The following VARS2 variants were observed in gnomAD, a reference collection of about 807,000 sequenced individuals.
VARS2 encodes the protein valyl-tRNA synthetase 2, mitochondrial, also known as valine--tRNA ligase, mitochondrial.
VARS2 carries 105 observed loss-of-function variants against 154.1 expected under a neutral mutation model. The observed-to-expected ratio is 0.68, with a 90% CI of 0.58 to 0.80. The LOEUF (loss-of-function observed/expected upper bound fraction) is 0.80. VARS2 is among the 30% of genes least tolerant of loss of function. The pLI is 0.00. For synonymous variants in VARS2, 483 were observed against 539.5 expected, an observed-to-expected ratio of 0.90 and a Z score of 1.45; for missense variants, 1,157 against 1,361.4, an observed-to-expected ratio of 0.85 and a Z score of 2.36.
At position 30,926,408 on chromosome 6, in the gene VARS2, C is replaced by G; in HGVS notation, c.*198C>G. 1 of 612,740 alleles carries G rather than the reference C, an allele frequency of 1.6e-6. No individual in the cohort carries two copies. Among genetic ancestry groups the G allele is most frequent in the Non-Finnish European group, 2.9e-6 (1 of 347,956 alleles). The allele number at this position is 612,740 out of a possible 1,614,324, so 38.0% of individuals were successfully genotyped here. ...TCACATTACTGCCCGGCCTGCCTCC[C>G]ACCTGGAAGTCTGGGAATGAGGAGA... On this transcript the variant is annotated 3_prime_UTR_variant, in exon 30 of 30. Transcript: ENST00000676266.
In VARS2 at chr6:30,920,724, A is replaced by T. The variant is rs1437807552; in HGVS notation, c.1454A>T (p.Gln485Leu). The T allele has an allele frequency of 6.2e-7, 1 of 1,600,454 alleles. No individual in the cohort carries two copies. Among genetic ancestry groups the T allele is most frequent in the Non-Finnish European group, 8.5e-7 (1 of 1,174,212 alleles). ...AAGAACCAGTGGTTTGTCCGCTGCC[A>T]GGAAATGGGGGCCCGAGCTGCCAAG... is the stretch of plus-strand genomic sequence containing the variant. ...LLKNQWFVRC[Q>L]EMGARAAKAV... The change falls in exon 15 of 30, where the codon CAG (glutamine) becomes CTG (leucine). Residue 485 changes from glutamine to leucine, a missense_variant. Transcript: ENST00000676266. This position sits in a 1 kb window ranked among gnomAD's most constrained non-coding sequence, Gnocchi z 4.6.
At position 30,925,905 on chromosome 6, in the gene VARS2, T is replaced by A; in HGVS notation, c.2987T>A (p.Leu996Gln). 1 of 1,613,022 alleles carries A rather than the reference T, an allele frequency of 6.2e-7. No homozygotes were observed. The highest frequency in any genetic ancestry group is 8.5e-7 in the Non-Finnish European group (1 of 1,180,030). The change falls in exon 29 of 30, where the codon CTA becomes CAA. Residue 996 changes from leucine (L) to glutamine (Q), a missense_variant. Transcript: ENST00000676266. ...LQGLVDPQIQ[L>Q]PLLAARRYKL... ...GGCCTGGTGGACCCGCAGATCCAGC[T>A]ACCTCTGTTAGCCGCCCGAAGGTAC...
In VARS2 at chr6:30,921,381, C is replaced by A; in HGVS notation, c.1632+76C>A. The A allele has an allele frequency of 6.4e-7, 1 of 1,562,970 alleles. No individual in the cohort carries two copies. Among genetic ancestry groups the A allele is most frequent in the African/African-American group, 1.4e-5 (1 of 73,922 alleles). On this transcript the variant is annotated intron_variant, in intron 17 of 29. Transcript: ENST00000676266. This position sits in a 1 kb window ranked among gnomAD's most constrained non-coding sequence, Gnocchi z 4.6. ...CCCAGGAGTCAGAGCTCCGCAGGGC[C>A]AAGTCCCGCTCCTGCCTGGTCATGT...
rs139421487 is a variant in VARS2 at position 30,916,201 on chromosome 6, A to G, written c.623A>G (p.Glu208Gly). The change falls in exon 7 of 30, where the codon GAG becomes GGG. Residue 208 changes from glutamate (E) to glycine (G), a missense_variant. Physicochemically the swap from Glu to Gly is moderately conservative, Grantham distance 98. Transcript: ENST00000676266. The surrounding 1 kb of genome is among the most constrained non-coding windows in gnomAD (Gnocchi z 4.0). ...LWKERGVRRH[E>G]LSREAFLREV... ...AAGGAACGGGGAGTGAGGAGACATG[A>G]GCTGAGCCGGGAGGCCTTCCTTAGG... The G allele has an allele frequency of 6.2e-7, 1 of 1,613,790 alleles. No homozygotes were observed. The highest frequency in any genetic ancestry group is 8.5e-7 in the Non-Finnish European group (1 of 1,179,908).
In VARS2 at chr6:30,915,218, G is replaced by GA; in HGVS notation, c.267dup (p.Pro90ThrfsTer3). 1 of 1,614,168 alleles carries GA rather than the reference G, an allele frequency of 6.2e-7. No individual in the cohort carries two copies. Among genetic ancestry groups the GA allele is most frequent in the Non-Finnish European group, 8.5e-7 (1 of 1,180,010 alleles). On this transcript the variant is annotated frameshift_variant, in exon 3 of 30. Transcript: ENST00000676266. LOFTEE classifies it high-confidence loss of function. The stretch of plus-strand genomic sequence containing the variant: ...AGTTAGTATTGTATGAAATCCCTAC[G>GA]AAACCCGGTGAAAAGAAAGGTAAGT...
chr6:30,923,946 CCA>C (rs765772971), intron 25 of VARS2: 16 of 358,460 alleles, frequency 4.5e-5, no homozygotes, highest in Non-Finnish European at 7.7e-5. Flanking sequence ...CACTGCCACC[CCA>C]GAGTGGCTCC....
chr6:30,915,626 C>G (rs1445093724), intron 4 of VARS2, 120 bp from the exon 5 acceptor site: 9 of 1,526,674 alleles, frequency 5.9e-6, no homozygotes, highest in South Asian at 1.3e-5. Flanking sequence ...CTCCTCTCCA[C>G]TCTCCTCTTA....
At chr6:30,914,606 C>A in intron 1 of VARS2, 1 of 1,187,348 alleles carries the variant, frequency 8.4e-7, no homozygotes, top group Non-Finnish European at 1.1e-6. Flanking sequence ...CGGCCCTGTT[C>A]CGGAAGAGCC....
rs774220202 is a variant in VARS2 at position 30,917,772 on chromosome 6, A to G, written c.951A>G (p.Leu317=). ...GCPTPVSFGL[L]FSVAFPVDGE... ...CCACCCCCGTGTCTTTTGGCCTCCT[A>G]TTTTCTGTTGCCTTCCCCGTGGATG... Residue 317 remains leucine (L), a synonymous_variant, in exon 10 of 30, where the codon CTA becomes CTG. Coordinates refer to ENST00000676266, the MANE Select transcript of VARS2 (RefSeq NM_020442.6). This position sits in a 1 kb window ranked among gnomAD's most constrained non-coding sequence, Gnocchi z 4.4. The G allele has an allele frequency of 5.1e-6, 8 of 1,562,530 alleles. No individual in the cohort carries two copies. In the South Asian group the frequency reaches 5.9e-5, roughly 12 times the overall value.
At position 30,920,243 on chromosome 6, in the gene VARS2, C is replaced by T; in HGVS notation, c.1293+27C>T. 6.4e-7 allele frequency: 1 copy of T among 1,561,330 alleles called. No individual in the cohort carries two copies. On this transcript the variant is annotated intron_variant, in intron 13 of 29. Transcript: ENST00000676266. The surrounding 1 kb of genome is among the most constrained non-coding windows in gnomAD (Gnocchi z 4.6). The stretch of plus-strand genomic sequence containing the variant: ...TGGTACCACCCTATGTTACCCCATC[C>T]TTTGGGGGCTCTCTGTCCCCCTAAT...
At position 30,924,511 on chromosome 6, in the gene VARS2, C is replaced by T. The variant is rs376070793; in HGVS notation, c.2624C>T (p.Pro875Leu). ...AGGCTGCCCCCCAGGCCTGGTTGCC[C>T]CCCTGCCCCCAGCATCTCGGTTGCC... ...WQRLPPRPGC[P>L]PAPSISVAPY... Residue 875 changes from proline (P) to leucine (L), a missense_variant, in exon 26 of 30, where the codon CCC (proline) becomes CTC (leucine). Coordinates refer to ENST00000676266, the MANE Select transcript of VARS2 (RefSeq NM_020442.6). 185 of 1,590,610 alleles carry T rather than the reference C, an allele frequency of 1.2e-4. 4 individuals carry two copies. Among genetic ancestry groups the T allele is most frequent in the East Asian group, 4.9e-4 (22 of 44,758 alleles).
rs3218830 is a variant in VARS2, at chr6:30,914,626, G to A, written c.-27-184G>A. 1.3e-4 allele frequency: 143 copies of A among 1,111,672 alleles called. 3 individuals carry two copies. The highest frequency in any genetic ancestry group is 4.8e-4 in the East Asian group (18 of 37,430). 68.9% of individuals were successfully genotyped at this position (1,111,672 alleles called of 1,614,324 possible). A position where few individuals can be genotyped will look rare whatever the true frequency, so the allele number is the denominator to read the frequency against. Reference sequence around the variant, plus strand: ...CTGTTCCGGAAGAGCCCTGATATCCGTGGCTCCATGGCGCTGTCTGTCGAT... The same window carrying A: ...CTGTTCCGGAAGAGCCCTGATATCCATGGCTCCATGGCGCTGTCTGTCGAT... On this transcript the variant is annotated intron_variant, in intron 1 of 29. Transcript: ENST00000676266.
Position 30,917,112 on chromosome 6 carries a change from C to T in VARS2, c.761C>T (p.Ser254Leu), listed in dbSNP as rs765122679. 2 of 1,614,162 alleles carry T rather than the reference C, an allele frequency of 1.2e-6. No homozygotes were observed. Among genetic ancestry groups the T allele is most frequent in the South Asian group, 1.1e-5 (1 of 91,084 alleles). ...ACACTCAGGTCATTCCAGGGCTCCTCAGTGGCTGTGACTGAAGCTTTTGTG... is the reference window on the plus strand; with the variant it reads ...ACACTCAGGTCATTCCAGGGCTCCTTAGTGGCTGTGACTGAAGCTTTTGTG... ...RECFTMDVGS[S>L]VAVTEAFVRL... Residue 254 changes from serine to leucine, a missense_variant, in exon 9 of 30, where the codon TCA (serine) becomes TTA (leucine). By Grantham distance (145) the Ser-to-Leu change is moderately radical (BLOSUM62 -2). Transcript: ENST00000676266. The surrounding 1 kb of genome is among the most constrained non-coding windows in gnomAD (Gnocchi z 4.4).
chr6:30,917,281 A>T lies in VARS2; in HGVS notation c.873+57A>T. 1 of 1,612,632 alleles carries T rather than the reference A, an allele frequency of 6.2e-7. No individual in the cohort carries two copies. On this transcript the variant is annotated intron_variant, in intron 9 of 29. Transcript: ENST00000676266. This position sits in a 1 kb window ranked among gnomAD's most constrained non-coding sequence, Gnocchi z 4.4. ...GAGCTCTGAGGCAGAGTGGTCAATG[A>T]TTAAGAGCTCAGACTCTGGAGCCAG...
intron 10 of VARS2, 88 bp from the exon 11 acceptor site, chr6:30,918,739 C>G: frequency 9.0e-7 from 1 of 1,106,082 alleles, no homozygotes; most frequent in Non-Finnish European, 1.3e-6. Context: ...CTGCCCCTTC[C>G]CCTTTCCAGT....
Position 30,919,846 on chromosome 6 carries a change from C to T in VARS2, c.1163C>T (p.Thr388Met), listed in dbSNP as rs140305500. 70 of 1,572,530 alleles carry T rather than the reference C, an allele frequency of 4.5e-5. No individual in the cohort carries two copies. Among genetic ancestry groups the T allele is most frequent in the African/African-American group, 1.5e-4 (11 of 73,698 alleles). Reference sequence around the variant, plus strand: ...TATGCTGTTCAGCCACATGTGGGCACGGGTGAGTGGAAGTCAGGGGAGGGA... The same window carrying T: ...TATGCTGTTCAGCCACATGTGGGCATGGGTGAGTGGAAGTCAGGGGAGGGA... ...TDYAVQPHVGTGAVKVTPAHS... is the reference protein window; with the variant it reads ...TDYAVQPHVGMGAVKVTPAHS... Residue 388 changes from threonine (T) to methionine (M), a missense_variant and splice_region_variant, in exon 12 of 30, where the codon ACG becomes ATG. By Grantham distance (81) the Thr-to-Met change is moderately conservative (BLOSUM62 -1). Coordinates refer to ENST00000676266, the MANE Select transcript of VARS2 (RefSeq NM_020442.6). The surrounding 1 kb of genome is among the most constrained non-coding windows in gnomAD (Gnocchi z 4.5).
In VARS2 at chr6:30,920,773, C is replaced by T. The variant is rs1230269153; in HGVS notation, c.1479+24C>T. 1.3e-6 allele frequency: 2 copies of T among 1,544,972 alleles called. No homozygotes were observed. The highest frequency in any genetic ancestry group is 1.7e-6 in the Non-Finnish European group (2 of 1,144,414). ...AGGTGAGGCTGCAGTGTAGGAAGGA[C>T]TGGGGCCAGGGGTTGGGGGAGCTCC... is the stretch of plus-strand genomic sequence containing the variant. On this transcript the variant is annotated intron_variant, in intron 15 of 29. Coordinates refer to ENST00000676266, the MANE Select transcript of VARS2 (RefSeq NM_020442.6). The surrounding 1 kb of genome is among the most constrained non-coding windows in gnomAD (Gnocchi z 4.6).
intron 10 of VARS2, 192 bp from the exon 11 acceptor site, chr6:30,918,634 TG>T (rs1027267168): frequency 1.4e-6 from 1 of 711,072 alleles, no homozygotes; most frequent in Non-Finnish European, 2.3e-6. Flanking sequence ...CTCAGACCTC[TG>T]GTCATCAGCT....
rs1054768951 is a variant in VARS2, at chr6:30,917,665, C to T, written c.874-30C>T. 6.5e-7 allele frequency: 1 copy of T among 1,534,850 alleles called. No individual in the cohort carries two copies. Among genetic ancestry groups the T allele is most frequent in the African/African-American group, 1.4e-5 (1 of 72,218 alleles). On this transcript the variant is annotated intron_variant, in intron 9 of 29. Coordinates refer to ENST00000676266, the MANE Select transcript of VARS2 (RefSeq NM_020442.6). The surrounding 1 kb of genome is among the most constrained non-coding windows in gnomAD (Gnocchi z 4.4). ...GGCATGAGCCTTGCAGAAAGGCTGCCCTCTGACCCAGCTTTCTCGGTGCCT... is the reference window on the plus strand; with the variant it reads ...GGCATGAGCCTTGCAGAAAGGCTGCTCTCTGACCCAGCTTTCTCGGTGCCT...
Sources: gnomAD v4.1 joint callset for allele counts on GRCh38, gnomAD v4.1.1 for gene constraint, Gnocchi (gnomAD v3.1) non-coding constraint, MANE v1.5 for transcripts, NCBI Gene and HGNC (gene_info 2026-07-23, HGNC 2026-07-21) for gene names.